Variants in B4GALT6 observed in about 807,000 individuals in gnomAD.
B4GALT6 encodes the protein beta-1,4-galactosyltransferase 6.
Under a neutral mutation model 46.3 loss-of-function variants are expected in B4GALT6, and 14 were observed. That is an observed-to-expected ratio of 0.30 (90% CI 0.20 to 0.47). The LOEUF is 0.47. Ranked by LOEUF, B4GALT6 falls within the 20% of genes least tolerant of loss-of-function variation. B4GALT6 has a pLI of 0.99. For missense variants in B4GALT6, 386 were observed against 480.1 expected (o/e 0.80, Z 1.83); for synonymous variants, 168 against 162.0 (o/e 1.04, Z -0.28).
At chr18:31,664,529 C>CTT (rs35854175) in intron 2 of B4GALT6, among the ~76,000 whole-genome samples, 110 of 138,066 alleles carry the variant, frequency 8.0e-4, no homozygotes, top group African/African-American at 2.3e-3. Context: ...AAGGATTTTC[C>CTT]TTTTTTTTTT....
intron 2 of B4GALT6, among the ~76,000 whole-genome samples, chr18:31,663,878 G>C (rs1183681958): frequency 2.0e-5 from 3 of 152,098 alleles, no homozygotes; most frequent in African/African-American, 7.2e-5. Flanking sequence ...ATAATTATTC[G>C]TAAATGTTGG....
At chr18:31,702,308 A>G in the B4GALT6 span, among the ~76,000 whole-genome samples, 1 of 152,226 alleles carries the variant, frequency 6.6e-6, no homozygotes, top group Non-Finnish European at 1.5e-5. Flanking sequence ...ACTTATATAT[A>G]TGTGCAAAGA....
At chr18:31,723,518 G>A in the B4GALT6 span, among the ~76,000 whole-genome samples, 1 of 152,142 alleles carries the variant, frequency 6.6e-6, no homozygotes, top group African/African-American at 2.4e-5. Context: ...AAGGCAGGAT[G>A]ACAGTTCAGC....
the B4GALT6 span, among the ~76,000 whole-genome samples, chr18:31,697,821 A>G: frequency 2.6e-5 from 4 of 152,048 alleles, no homozygotes; most frequent in African/African-American, 9.7e-5. Context: ...TGAAGATATT[A>G]TTTATTTGTC....
intron 2 of B4GALT6, among the ~76,000 whole-genome samples, chr18:31,659,801 TA>T (rs1311905761): frequency 6.6e-6 from 1 of 151,952 alleles, no homozygotes; most frequent in East Asian, 1.9e-4. Flanking sequence ...CAGTGAACAT[TA>T]ATTGTTTTGT....
intron 5 of B4GALT6, among the ~76,000 whole-genome samples, chr18:31,635,246 CAAAA>C (rs530578338): frequency 2.5e-4 from 37 of 146,200 alleles, no homozygotes; most frequent in Admixed American, 3.4e-4. Context: ...AACAAACAAA[CAAAA>C]AAAAAAAAAA....
upstream of B4GALT6, among the ~76,000 whole-genome samples, chr18:31,690,363 T>G (rs2030067571): frequency 6.6e-6 from 1 of 152,162 alleles, no homozygotes; most frequent in Admixed American, 6.5e-5. Context: ...ACTCCTGACC[T>G]CAGGTGATCC....
intron 1 of B4GALT6, among the ~76,000 whole-genome samples, chr18:31,683,562 T>A (rs2074506181): frequency 6.6e-6 from 1 of 152,196 alleles, no homozygotes; most frequent in African/African-American, 2.4e-5. Context: ...AATAAAGAAG[T>A]TAATTCAAGC....
chr18:31,721,923 C>T, the B4GALT6 span, among the ~76,000 whole-genome samples: 1 of 151,772 alleles, frequency 6.6e-6, no homozygotes, highest in Non-Finnish European at 1.5e-5. Context: ...TATGTGGGTT[C>T]TGTTTCTCTG....
intron 1 of B4GALT6, among the ~76,000 whole-genome samples, chr18:31,672,169 C>A (rs918998310): frequency 1.3e-5 from 2 of 152,150 alleles, no homozygotes; most frequent in African/African-American, 4.8e-5. Flanking sequence ...TGCAGGACAC[C>A]AACGCAGCAT....
chr18:31,638,597 G>T, intron 5 of B4GALT6, 47 bp downstream of exon 5: 1 of 1,372,762 alleles, frequency 7.3e-7, no homozygotes, highest in Non-Finnish European at 1.0e-6. Context: ...ATATCTAAGA[G>T]TTTAGATTCT....
intron 1 of B4GALT6, among the ~76,000 whole-genome samples, chr18:31,674,504 T>C (rs376404832): frequency 6.6e-6 from 1 of 152,162 alleles, no homozygotes; most frequent in Non-Finnish European, 1.5e-5. Flanking sequence ...GGAAATAATA[T>C]GGACAAAAGT....
At chr18:31,638,545 A>G (rs1369525110) in intron 5 of B4GALT6, 99 bp downstream of exon 5, 11 of 1,055,938 alleles carry the variant, frequency 1.0e-5, no homozygotes, top group Non-Finnish European at 1.4e-5. Flanking sequence ...TAAACTAAGA[A>G]TCAGACTTAC....
At chr18:31,663,020 C>G (rs2074237977) in intron 2 of B4GALT6, among the ~76,000 whole-genome samples, 1 of 152,162 alleles carries the variant, frequency 6.6e-6, no homozygotes. Flanking sequence ...ATTATTTCAT[C>G]TAATGAATGG....
At chr18:31,709,434 CATATAT>C in the B4GALT6 span, among the ~76,000 whole-genome samples, 4 of 130,962 alleles carry the variant, frequency 3.1e-5, no homozygotes, top group African/African-American at 6.0e-5. Flanking sequence ...GCAATTCATA[CATATAT>C]ATATATATAT....
At chr18:31,646,055 G>A (rs968159270) in intron 3 of B4GALT6, among the ~76,000 whole-genome samples, 1 of 152,190 alleles carries the variant, frequency 6.6e-6, no homozygotes, top group African/African-American at 2.4e-5. Context: ...AGGATCATAT[G>A]CCGTGTCAGG....
chr18:31,659,847 A>G (rs1429834781), intron 2 of B4GALT6, among the ~76,000 whole-genome samples: 1 of 152,000 alleles, frequency 6.6e-6, no homozygotes, highest in Non-Finnish European at 1.5e-5. Context: ...CAGACACTAC[A>G]CTGGTAGCCC....
At chr18:31,668,817 T>A (rs548654885) in intron 1 of B4GALT6, among the ~76,000 whole-genome samples, 2 of 145,764 alleles carry the variant, frequency 1.4e-5, no homozygotes, top group Non-Finnish European at 3.0e-5. Flanking sequence ...CTGGCCAACA[T>A]GGTGAAATGC....
At chr18:31,673,788 C>T (rs1180816596) in intron 1 of B4GALT6, among the ~76,000 whole-genome samples, 2 of 152,134 alleles carry the variant, frequency 1.3e-5, no homozygotes, top group Non-Finnish European at 2.9e-5. Flanking sequence ...ATGTGACACT[C>T]AGAAAGGGGT....
Sources: allele counts gnomAD v4.1 joint callset (sites outside exome capture counted in the v4.1 genomes callset), GRCh38; gene constraint gnomAD v4.1.1; transcripts MANE v1.5; gene names NCBI Gene and HGNC (gene_info 2026-07-23, HGNC 2026-07-21).